ARAP2: variants seen among roughly 807,000 people sequenced by gnomAD.
The protein encoded by ARAP2 is arf-GAP with Rho-GAP domain, ANK repeat and PH domain-containing protein 2.
In ARAP2, 148 loss-of-function variants were observed where a neutral mutation model predicts 194.5. The observed-to-expected ratio is 0.76, with a 90% CI of 0.67 to 0.87. The LOEUF is 0.87. Among genes scored for constraint, ARAP2 ranks in the 40% least tolerant of loss-of-function variants. ARAP2 has a pLI of 0.00. For synonymous variants in ARAP2, 695 were observed against 683.5 expected (o/e 1.02, Z -0.26); for missense variants, 2,128 against 1,989.7 (o/e 1.07, Z -1.32).
At chr4:36,210,835 G>T in intron 5 of ARAP2, 92 bp from the exon 6 acceptor site, 1 of 939,080 alleles carries the variant, frequency 1.1e-6, no homozygotes, top group Non-Finnish European at 1.6e-6. Context: ...ACTAATAACA[G>T]AAACATAAGG....
At chr4:36,196,436 C>G (rs1283354178) in intron 6 of ARAP2, among the ~76,000 whole-genome samples, 1 of 152,208 alleles carries the variant, frequency 6.6e-6, no homozygotes, top group African/African-American at 2.4e-5. Context: ...ACCACTGGCT[C>G]TCTGAGGAAA....
At chr4:36,238,413 A>G (rs1276624646) in intron 1 of ARAP2, among the ~76,000 whole-genome samples, 3 of 152,214 alleles carry the variant, frequency 2.0e-5, no homozygotes, top group Non-Finnish European at 4.4e-5. Context: ...TAAACAGTGG[A>G]AACACTAACT....
intron 5 of ARAP2, among the ~76,000 whole-genome samples, chr4:36,020,115 T>C (rs1225439774): frequency 6.6e-6 from 1 of 152,158 alleles, no homozygotes; most frequent in African/African-American, 2.4e-5. Flanking sequence ...GTTATTATAA[T>C]ACCACGACAA....
chr4:36,131,311 G>A (rs1229182641), intron 20 of ARAP2, among the ~76,000 whole-genome samples: 1 of 150,130 alleles, frequency 6.7e-6, no homozygotes, highest in African/African-American at 2.4e-5. Flanking sequence ...ACTTTCAGTA[G>A]ATATATAATA....
intron 26 of ARAP2, among the ~76,000 whole-genome samples, 157 bp downstream of exon 26, chr4:36,114,013 C>T (rs1333932533): frequency 3.3e-5 from 5 of 151,806 alleles, no homozygotes; most frequent in African/African-American, 4.8e-5. Context: ...TGAGTAAAAT[C>T]ATAAAAAGGC....
chr4:36,076,044 C>A (rs1008470186), intron 31 of ARAP2, among the ~76,000 whole-genome samples: 2 of 152,166 alleles, frequency 1.3e-5, no homozygotes, highest in African/African-American at 4.8e-5. Flanking sequence ...TAAGAAAATA[C>A]TCCCATCATG....
At chr4:36,013,758 C>A (rs560030428) in intron 8 of ARAP2, among the ~76,000 whole-genome samples, 8 of 152,140 alleles carry the variant, frequency 5.3e-5, no homozygotes, top group Middle Eastern at 3.4e-3. Context: ...GTGGACAACA[C>A]CAATTCTGAT....
chr4:36,182,993 G>A (rs1242746874), intron 8 of ARAP2, among the ~76,000 whole-genome samples: 1 of 152,204 alleles, frequency 6.6e-6, no homozygotes, highest in Non-Finnish European at 1.5e-5. Context: ...CTAAAACCAA[G>A]AGATCGCCTT....
chr4:36,195,765 A>G (rs1006520687), intron 6 of ARAP2, among the ~76,000 whole-genome samples: 1 of 152,224 alleles, frequency 6.6e-6, no homozygotes, highest in Non-Finnish European at 1.5e-5. Context: ...TAACAAAGTT[A>G]TTCTCTCTCT....
chr4:36,016,575 T>C (rs1251151736), intron 6 of ARAP2, among the ~76,000 whole-genome samples: 1 of 152,136 alleles, frequency 6.6e-6, no homozygotes, highest in Non-Finnish European at 1.5e-5. Flanking sequence ...TCTTCAGAAA[T>C]TTATAAAACT....
At chr4:36,040,501 T>G (rs1720669859) in intron 5 of ARAP2, among the ~76,000 whole-genome samples, 1 of 152,168 alleles carries the variant, frequency 6.6e-6, no homozygotes, top group African/African-American at 2.4e-5. Context: ...CATTCATTTG[T>G]GTCTTTTCTG....
chr4:36,184,570 T>C (rs1280997785), intron 8 of ARAP2, among the ~76,000 whole-genome samples: 2 of 152,246 alleles, frequency 1.3e-5, no homozygotes, highest in Non-Finnish European at 2.9e-5. Flanking sequence ...ATTGTGAACA[T>C]GCACTTTTTA....
intron 5 of ARAP2, among the ~76,000 whole-genome samples, chr4:36,040,649 G>A (rs139386472): frequency 2.0e-4 from 30 of 152,186 alleles, no homozygotes; most frequent in African/African-American, 6.3e-4. Flanking sequence ...TGGCTTGGCC[G>A]TTGGTGTATA....
chr4:36,030,242 G>C (rs972620344), intron 5 of ARAP2, among the ~76,000 whole-genome samples: 4 of 151,894 alleles, frequency 2.6e-5, no homozygotes, highest in African/African-American at 9.7e-5. Flanking sequence ...GCTGTTTAAT[G>C]TTATCTTTAT....
Position 36,124,935 on chromosome 4 carries a change from A to G in ARAP2, c.3673T>C (p.Tyr1225His). 1 of 1,610,486 alleles carries G rather than the reference A, an allele frequency of 6.2e-7. No individual in the cohort carries two copies. The highest frequency in any genetic ancestry group is 8.5e-7 in the Non-Finnish European group (1 of 1,177,882). ...TQDDKERIKKYGAFIRSLPGV... is the reference protein window; with the variant it reads ...TQDDKERIKKHGAFIRSLPGV... ...GGAAGAGAACGTATAAATGCTCCAT[A>G]TTTTTTAATTCTTTCCTTGTCATCT... The change falls in exon 22 of 33, where the codon TAT becomes CAT. Residue 1225 changes from tyrosine to histidine, a missense_variant. Coordinates refer to ENST00000303965, the MANE Select transcript of ARAP2 (RefSeq NM_015230.4).
At chr4:36,016,578 A>G (rs1159260119) in intron 6 of ARAP2, among the ~76,000 whole-genome samples, 1 of 152,190 alleles carries the variant, frequency 6.6e-6, no homozygotes, top group Non-Finnish European at 1.5e-5. Flanking sequence ...TCAGAAATTT[A>G]TAAAACTAAT....
chr4:36,015,761 G>A (rs950581491), intron 7 of ARAP2: 1 of 152,174 alleles, frequency 6.6e-6, no homozygotes, highest in African/African-American at 2.4e-5. Context: ...TCTACCTCTT[G>A]AAGTGAGAAG....
intron 5 of ARAP2, among the ~76,000 whole-genome samples, chr4:36,020,238 C>A (rs1324535010): frequency 1.3e-5 from 2 of 152,128 alleles, no homozygotes; most frequent in Non-Finnish European, 2.9e-5. Context: ...TGGTGAAACC[C>A]CGCCTCTATT....
chr4:36,058,222 G>T (rs1445947242), intron 1 of ARAP2: 1 of 152,160 alleles, frequency 6.6e-6, no homozygotes, highest in Non-Finnish European at 1.5e-5. Context: ...CACTATTAGG[G>T]ATTTTCTGCT....
Sources: allele counts gnomAD v4.1 joint callset (sites outside exome capture counted in the v4.1 genomes callset), GRCh38; gene constraint gnomAD v4.1.1; transcripts MANE v1.5; gene names NCBI Gene and HGNC (gene_info 2026-07-23, HGNC 2026-07-21).